Variants in PHACTR1 observed in about 807,000 individuals in gnomAD.
PHACTR1 encodes RPEL repeat containing 1.
In PHACTR1, 16 loss-of-function variants were observed where a neutral mutation model predicts 69.2. The ratio of observed to expected loss-of-function variants is 0.23; its 90% CI spans 0.16 to 0.35. The LOEUF is 0.35. Among genes scored for constraint, PHACTR1 ranks in the 10% least tolerant of loss-of-function variants. The pLI is 1.00. For missense variants in PHACTR1, 510 were observed against 734.7 expected (o/e 0.69, Z 3.54); for synonymous variants, 312 against 284.5 (o/e 1.10, Z -0.97).
intron 5 of PHACTR1, among the ~76,000 whole-genome samples, chr6:13,119,344 A>G (rs755242541): frequency 1.3e-5 from 2 of 152,244 alleles, no homozygotes; most frequent in Admixed American, 1.3e-4. Flanking sequence ...TTTTTCACGT[A>G]TAAAGTTTAC....
intron 4 of PHACTR1, among the ~76,000 whole-genome samples, chr6:12,952,316 A>G (rs1021150665): frequency 5.9e-5 from 9 of 152,154 alleles, no homozygotes; most frequent in Admixed American, 1.3e-4. Context: ...GTTTAATGAC[A>G]TGTTCTCACC....
At chr6:13,239,397 C>G (rs900463654) in intron 10 of PHACTR1, among the ~76,000 whole-genome samples, 7 of 152,136 alleles carry the variant, frequency 4.6e-5, no homozygotes, top group African/African-American at 1.7e-4. Context: ...AATAGAAAAT[C>G]CTTTTTGAGA....
chr6:12,780,627 G>A (rs989410804), intron 4 of PHACTR1, among the ~76,000 whole-genome samples: 4 of 152,136 alleles, frequency 2.6e-5, no homozygotes, highest in African/African-American at 9.7e-5. Context: ...CATGCATAAT[G>A]ACCAACTCTG....
At chr6:12,767,137 A>T (rs561824026) in intron 4 of PHACTR1, among the ~76,000 whole-genome samples, 1 of 152,334 alleles carries the variant, frequency 6.6e-6, no homozygotes, top group East Asian at 1.9e-4. Flanking sequence ...CATATTACGC[A>T]GCATTTCCAC....
intron 3 of PHACTR1, among the ~76,000 whole-genome samples, chr6:12,726,963 T>C (rs1762871308): frequency 6.6e-6 from 1 of 152,250 alleles, no homozygotes; most frequent in African/African-American, 2.4e-5. Context: ...TGAGAATTTA[T>C]TTTTTATTGT....
At chr6:12,966,066 C>T (rs902894977) in intron 4 of PHACTR1, among the ~76,000 whole-genome samples, 3 of 152,140 alleles carry the variant, frequency 2.0e-5, no homozygotes, top group Non-Finnish European at 4.4e-5. Flanking sequence ...TGACCACTGA[C>T]TGCACAAGTG....
At chr6:13,199,713 C>T (rs1318668494) in intron 7 of PHACTR1, among the ~76,000 whole-genome samples, 2 of 151,948 alleles carry the variant, frequency 1.3e-5, no homozygotes, top group Admixed American at 1.3e-4. Flanking sequence ...TTGTCTAAAA[C>T]ATCCTTAAAG....
At chr6:13,152,514 G>T (rs151258310) in intron 5 of PHACTR1, among the ~76,000 whole-genome samples, 46 of 152,270 alleles carry the variant, frequency 3.0e-4, no homozygotes, top group African/African-American at 9.6e-4. Context: ...GACTAAACTA[G>T]AACTACTGTC....
intron 4 of PHACTR1, among the ~76,000 whole-genome samples, chr6:12,827,568 A>G (rs143715534): frequency 6.6e-6 from 1 of 152,356 alleles, no homozygotes; most frequent in African/African-American, 2.4e-5. Flanking sequence ...GTGTCAATAG[A>G]CAGAGTCAAG....
intron 4 of PHACTR1, among the ~76,000 whole-genome samples, chr6:12,931,550 G>A (rs1288638221): frequency 2.0e-5 from 3 of 152,160 alleles, no homozygotes; most frequent in East Asian, 3.9e-4. Flanking sequence ...ATACTGTGGG[G>A]CATTGCTTAT....
intron 4 of PHACTR1, among the ~76,000 whole-genome samples, chr6:12,915,042 C>G (rs1255339985): frequency 6.6e-6 from 1 of 152,190 alleles, no homozygotes; most frequent in Non-Finnish European, 1.5e-5. Context: ...TGGAGTATGT[C>G]TTGTCTGCAT....
intron 10 of PHACTR1, among the ~76,000 whole-genome samples, chr6:13,255,009 AT>A (rs1774983282): frequency 6.6e-6 from 1 of 152,216 alleles, no homozygotes; most frequent in African/African-American, 2.4e-5. Flanking sequence ...CTATAAAGAA[AT>A]GCTTGAGACT....
At chr6:12,778,813 C>T (rs1379751618) in intron 4 of PHACTR1, among the ~76,000 whole-genome samples, 1 of 152,090 alleles carries the variant, frequency 6.6e-6, no homozygotes, top group Admixed American at 6.5e-5. Context: ...CACTTAAATG[C>T]AGTTTGATTT....
chr6:13,051,115 AC>A (rs899852769), intron 4 of PHACTR1, among the ~76,000 whole-genome samples: 2 of 151,262 alleles, frequency 1.3e-5, no homozygotes, highest in Admixed American at 1.3e-4. Flanking sequence ...GATCAGGCCG[AC>A]CCCCCCATTC....
chr6:12,759,713 T>C (rs967299938), intron 4 of PHACTR1, among the ~76,000 whole-genome samples: 21 of 152,198 alleles, frequency 1.4e-4, no homozygotes, highest in African/African-American at 5.1e-4. Flanking sequence ...TCATAAAATA[T>C]AGTTTTTGAT....
chr6:13,280,862 G>A, intron 12 of PHACTR1: 1 of 904,442 alleles, frequency 1.1e-6, no homozygotes, highest in Non-Finnish European at 1.5e-6. Context: ...ATGCCCCGAA[G>A]GCTACAGCCA....
At chr6:13,147,332 G>A (rs530236911) in intron 5 of PHACTR1, among the ~76,000 whole-genome samples, 12 of 152,234 alleles carry the variant, frequency 7.9e-5, no homozygotes, top group East Asian at 1.9e-4. Context: ...AATTTTCCTC[G>A]GTGCACTCCC....
intron 4 of PHACTR1, among the ~76,000 whole-genome samples, chr6:12,898,048 A>G (rs1185393513): frequency 6.6e-6 from 1 of 152,138 alleles, no homozygotes; most frequent in Non-Finnish European, 1.5e-5. Flanking sequence ...ATGAACTGAT[A>G]TCTTTATTCT....
chr6:13,201,465 C>G (rs1170513888), intron 7 of PHACTR1, among the ~76,000 whole-genome samples: 1 of 152,128 alleles, frequency 6.6e-6, no homozygotes, highest in Non-Finnish European at 1.5e-5. Context: ...CAGACAGAGT[C>G]ATACTTGGAC....
Sources: allele counts gnomAD v4.1 joint callset (sites outside exome capture counted in the v4.1 genomes callset), GRCh38; gene constraint gnomAD v4.1.1; transcripts MANE v1.5; gene names NCBI Gene and HGNC (gene_info 2026-07-23, HGNC 2026-07-21).